Variants in PDZRN3 observed in about 807,000 individuals in gnomAD.
PDZRN3 encodes the protein E3 ubiquitin-protein ligase PDZRN3.
PDZRN3 carries 38 observed loss-of-function variants against 85.7 expected under a neutral mutation model. The ratio of observed to expected loss-of-function variants is 0.44; its 90% CI spans 0.34 to 0.58. The LOEUF is 0.58. Ranked by LOEUF, PDZRN3 falls within the 20% of genes least tolerant of loss-of-function variation. The pLI is 0.01. For missense variants in PDZRN3, 1,629 were observed against 1,506.4 expected (o/e 1.08, Z -1.35); for synonymous variants, 759 against 638.0 (o/e 1.19, Z -2.86).
intron 3 of PDZRN3, among the ~76,000 whole-genome samples, chr3:73,477,689 C>A (rs1180442426): frequency 6.6e-6 from 1 of 152,142 alleles, no homozygotes; most frequent in East Asian, 1.9e-4. Flanking sequence ...CTAGATGCTG[C>A]CATGAATCCC....
In PDZRN3 at chr3:73,574,295, G is replaced by A. The variant is rs148412027; in HGVS notation, c.918+28059C>T. 1.3e-3 allele frequency among the ~76,000 whole-genome samples: 204 copies of A among 152,266 alleles called. 1 individual carries two copies. The highest frequency in any genetic ancestry group is 4.8e-3 in the African/African-American group (199 of 41,550). ...AATCTTCTCACCATCAAGAGAACTT[G>A]CCCTAGGATAAAACCAAACTGAGTA... On this transcript the variant is annotated intron_variant, in intron 3 of 9. Transcript: ENST00000263666.
At chr3:73,566,193 A>T (rs1420269873) in intron 3 of PDZRN3, among the ~76,000 whole-genome samples, 1 of 152,204 alleles carries the variant, frequency 6.6e-6, no homozygotes, top group Non-Finnish European at 1.5e-5. Flanking sequence ...TTGCAATTAG[A>T]CTTACTTGAA....
intron 5 of PDZRN3, among the ~76,000 whole-genome samples, chr3:73,393,950 TTAA>T (rs1279092588): frequency 6.6e-6 from 1 of 152,202 alleles, no homozygotes; most frequent in African/African-American, 2.4e-5. Flanking sequence ...TGGAGGACTG[TTAA>T]GCTACAGAGT....
At chr3:73,493,470 GCAGGAGGCTGTGTGGATGTTCACACAC>G (rs1375040771) in intron 3 of PDZRN3, among the ~76,000 whole-genome samples, 2 of 152,102 alleles carry the variant, frequency 1.3e-5, no homozygotes, top group African/African-American at 4.8e-5. Context: ...ATGAGGAGGA[GCAGGAGGCTGTGTGGATGTTCACACAC>G]CGCCCCCACC....
chr3:73,563,542 T>C (rs1227243797), intron 3 of PDZRN3, among the ~76,000 whole-genome samples: 1 of 152,202 alleles, frequency 6.6e-6, no homozygotes, highest in Non-Finnish European at 1.5e-5. Context: ...TTTCTATGGC[T>C]ACTATTTTAT....
chr3:73,441,630 G>C (rs542917033), intron 3 of PDZRN3, among the ~76,000 whole-genome samples: 14 of 152,142 alleles, frequency 9.2e-5, no homozygotes, highest in Admixed American at 2.6e-4. Flanking sequence ...GGGAGGCAGA[G>C]TAATTTGCCC....
Position 73,383,126 on chromosome 3 carries a change from AT to A in PDZRN3, c.*238del. ...AAAAGGGTACAGGTAGAAAAGTACAATTGCTATTTGAAAAAAGCTCTGTTTG... is the reference window on the plus strand; with the variant it reads ...AAAAGGGTACAGGTAGAAAAGTACAATGCTATTTGAAAAAAGCTCTGTTTG... On this transcript the variant is annotated 3_prime_UTR_variant, in exon 10 of 10. Coordinates refer to ENST00000263666, the MANE Select transcript of PDZRN3 (RefSeq NM_015009.3). The A allele has an allele frequency of 4.4e-6, 2 of 455,312 alleles. No individual in the cohort carries two copies. The highest frequency in any genetic ancestry group is 7.7e-6 in the Non-Finnish European group (2 of 261,232). 28.2% of individuals were successfully genotyped at this position (455,312 alleles called of 1,614,324 possible).
chr3:73,427,993 T>C (rs1323926706), intron 3 of PDZRN3, among the ~76,000 whole-genome samples: 1 of 152,126 alleles, frequency 6.6e-6, no homozygotes, highest in Non-Finnish European at 1.5e-5. Flanking sequence ...AGCTCAAAGA[T>C]GAATTGGTGA....
At chr3:73,561,258 G>A (rs1276260302) in intron 3 of PDZRN3, among the ~76,000 whole-genome samples, 2 of 152,182 alleles carry the variant, frequency 1.3e-5, no homozygotes, top group Non-Finnish European at 2.9e-5. Context: ...TTTAAAGAGA[G>A]GTGGCAAACA....
At chr3:73,622,376 T>C (rs1702880986) in intron 1 of PDZRN3, among the ~76,000 whole-genome samples, 1 of 152,198 alleles carries the variant, frequency 6.6e-6, no homozygotes, top group Non-Finnish European at 1.5e-5. Flanking sequence ...ACACAGGCCC[T>C]TGGGGGAGCC....
intron 3 of PDZRN3, among the ~76,000 whole-genome samples, chr3:73,514,257 C>T (rs1170529742): frequency 6.6e-6 from 1 of 152,204 alleles, no homozygotes; most frequent in Admixed American, 6.5e-5. Context: ...GGAATTGATG[C>T]TGTTAAACAT....
intron 3 of PDZRN3, among the ~76,000 whole-genome samples, chr3:73,425,657 G>A (rs1702299108): frequency 6.6e-6 from 1 of 151,792 alleles, no homozygotes; most frequent in South Asian, 2.1e-4. Context: ...TGAAGAGCGA[G>A]GTAAGGCGGA....
intron 3 of PDZRN3, among the ~76,000 whole-genome samples, chr3:73,449,051 T>C (rs926269405): frequency 6.6e-6 from 1 of 152,212 alleles, no homozygotes; most frequent in Non-Finnish European, 1.5e-5. Context: ...TTAAGCCTGG[T>C]CTTTGCAGAG....
rs867423814 is a variant in PDZRN3, at chr3:73,624,207, G to C, written c.619C>G (p.Leu207Val). ...SLVAQLAAAQ[L>V]ELQMTALRYQ... ...CGCAGCGCGGTCATCTGCAGCTCAA[G>C]CTGCGCCGCGGCCAGCTGGGCCACC... Residue 207 changes from leucine (L) to valine (V), a missense_variant, in exon 1 of 10, where the codon CTT becomes GTT. Coordinates refer to ENST00000263666, the MANE Select transcript of PDZRN3 (RefSeq NM_015009.3). 1 of 1,488,830 alleles carries C rather than the reference G, an allele frequency of 6.7e-7. No homozygotes were observed. The highest frequency in any genetic ancestry group is 8.9e-7 in the Non-Finnish European group (1 of 1,125,926). 92.2% of individuals were successfully genotyped at this position (1,488,830 alleles called of 1,614,324 possible).
intron 1 of PDZRN3, among the ~76,000 whole-genome samples, chr3:73,623,276 A>C (rs1472201714): frequency 1.3e-5 from 2 of 152,232 alleles, no homozygotes; most frequent in African/African-American, 4.8e-5. Flanking sequence ...GGATCTGGGA[A>C]TTAAGCCAGA....
chr3:73,558,001 C>A (rs1476157907), intron 3 of PDZRN3, among the ~76,000 whole-genome samples: 1 of 152,092 alleles, frequency 6.6e-6, no homozygotes, highest in African/African-American at 2.4e-5. Flanking sequence ...CACTTTGTCA[C>A]ATATTTTCCT....
At chr3:73,449,257 C>G (rs1702810880) in intron 3 of PDZRN3, among the ~76,000 whole-genome samples, 1 of 152,088 alleles carries the variant, frequency 6.6e-6, no homozygotes, top group Non-Finnish European at 1.5e-5. Context: ...ATCCTTTAAA[C>G]TGTCAAACTC....
chr3:73,526,089 C>A (rs907687926), intron 3 of PDZRN3, among the ~76,000 whole-genome samples: 1 of 152,130 alleles, frequency 6.6e-6, no homozygotes, highest in Non-Finnish European at 1.5e-5. Flanking sequence ...CCTCTCTGGG[C>A]GGTAGTTTCT....
At chr3:73,446,430 G>A (rs1182955064) in intron 3 of PDZRN3, among the ~76,000 whole-genome samples, 1 of 152,116 alleles carries the variant, frequency 6.6e-6, no homozygotes, top group Non-Finnish European at 1.5e-5. Context: ...AAAATTAGAG[G>A]GGAACAATGC....
Sources: allele counts gnomAD v4.1 joint callset (sites outside exome capture counted in the v4.1 genomes callset), GRCh38; gene constraint gnomAD v4.1.1; transcripts MANE v1.5; gene names NCBI Gene and HGNC (gene_info 2026-07-23, HGNC 2026-07-21).